The following NUP37 variants were observed in gnomAD, a reference collection of about 807,000 sequenced individuals.
The protein encoded by NUP37 is nucleoporin Nup37.
In NUP37, 33 loss-of-function variants were observed where a neutral mutation model predicts 45.4. The ratio of observed to expected loss-of-function variants is 0.73; its 90% CI spans 0.55 to 0.97. The LOEUF is 0.97. Among genes scored for constraint, NUP37 ranks in the 50% least tolerant of loss-of-function variants. The pLI, the probability that NUP37 is intolerant of heterozygous loss-of-function variation, is 0.00. For missense variants in NUP37, 365 were observed against 389.7 expected (o/e 0.94, Z 0.53); for synonymous variants, 127 against 130.7 (o/e 0.97, Z 0.19).
chr12:102,090,818 A>G (rs1025413737), intron 5 of NUP37, among the ~76,000 whole-genome samples: 10 of 152,214 alleles, frequency 6.6e-5, no homozygotes, highest in Non-Finnish European at 1.3e-4. Flanking sequence ...CCTAATATCA[A>G]AAGACTGGCA....
chr12:102,112,863 A>G (rs1880357794), intron 2 of NUP37, among the ~76,000 whole-genome samples: 1 of 152,240 alleles, frequency 6.6e-6, no homozygotes. Context: ...GTAAGATGCT[A>G]CAAATAATTC....
chr12:102,118,310 C>T, intron 2 of NUP37, 53 bp downstream of exon 2: 3 of 1,496,848 alleles, frequency 2.0e-6, no homozygotes, highest in Non-Finnish European at 2.7e-6. Flanking sequence ...TGTGTAAGTT[C>T]TCTTAGTAGT....
intron 4 of NUP37, 100 bp downstream of exon 4, chr12:102,100,932 C>T (rs1879952016): frequency 9.0e-6 from 6 of 663,056 alleles, no homozygotes; most frequent in Non-Finnish European, 1.5e-5. Context: ...TAATGATGAC[C>T]ATAAAAAGCC....
At chr12:102,082,563 A>G (rs2136716915) in intron 6 of NUP37, among the ~76,000 whole-genome samples, 1 of 152,358 alleles carries the variant, frequency 6.6e-6, no homozygotes, top group South Asian at 2.1e-4. Context: ...TTATGTATCC[A>G]TTTTATAAGA....
chr12:102,092,237 G>C (rs945103200), intron 5 of NUP37, among the ~76,000 whole-genome samples: 28 of 152,124 alleles, frequency 1.8e-4, no homozygotes, highest in Middle Eastern at 3.2e-3. Flanking sequence ...AAGAAAGAAT[G>C]GATGACATTA....
intron 6 of NUP37, among the ~76,000 whole-genome samples, chr12:102,083,959 C>A (rs1009739462): frequency 1.3e-5 from 2 of 151,586 alleles, no homozygotes; most frequent in Admixed American, 1.3e-4. Flanking sequence ...TGGGAAAAGA[C>A]GAAATGAAGT....
Position 102,112,245 on chromosome 12 carries a change from A to G in NUP37, c.157-13T>C. 6.3e-7 allele frequency: 1 copy of G among 1,599,900 alleles called. No homozygotes were observed. The highest frequency in any genetic ancestry group is 8.5e-7 in the Non-Finnish European group (1 of 1,169,820). On this transcript the variant is annotated splice_polypyrimidine_tract_variant and intron_variant, in intron 2 of 9. Transcript: ENST00000552283. ...CTGCTTCTTCTTCCTAAGCATACAC[A>G]GTAAATGTTTTAATAAGTAATGAGA...
intron 9 of NUP37, 30 bp downstream of exon 9, chr12:102,074,971 C>G (rs1323441908): frequency 7.6e-7 from 1 of 1,309,058 alleles, no homozygotes; most frequent in Non-Finnish European, 1.0e-6. Flanking sequence ...AAAAAAAAAG[C>G]ACGTATGTTA....
intron 3 of NUP37, among the ~76,000 whole-genome samples, chr12:102,108,394 T>C (rs1880218241): frequency 6.6e-6 from 1 of 152,226 alleles, no homozygotes; most frequent in Non-Finnish European, 1.5e-5. Context: ...TCAGGGGCTC[T>C]TGGGCCTTAG....
At chr12:102,084,001 A>C (rs1471103663) in intron 6 of NUP37, among the ~76,000 whole-genome samples, 1 of 152,214 alleles carries the variant, frequency 6.6e-6, no homozygotes, top group Non-Finnish European at 1.5e-5. Context: ...TCAAACATTT[A>C]GAAATAAAAG....
intron 5 of NUP37, among the ~76,000 whole-genome samples, chr12:102,090,135 T>C (rs978821035): frequency 6.6e-6 from 1 of 152,232 alleles, no homozygotes; most frequent in African/African-American, 2.4e-5. Flanking sequence ...AAGCCAAAAC[T>C]TTCTCTCATT....
At chr12:102,115,245 C>T (rs778398062) in intron 2 of NUP37, among the ~76,000 whole-genome samples, 28 of 152,178 alleles carry the variant, frequency 1.8e-4, no homozygotes, top group Admixed American at 1.7e-3. Flanking sequence ...TGTCGATTTA[C>T]AGAGGAAGAT....
At chr12:102,087,416 A>G (rs1879503428) in intron 5 of NUP37, among the ~76,000 whole-genome samples, 1 of 152,222 alleles carries the variant, frequency 6.6e-6, no homozygotes, top group Admixed American at 6.5e-5. Flanking sequence ...TTTCAAAATG[A>G]TTATCTTAAT....
chr12:102,086,069 AAG>A (rs1879461591), intron 5 of NUP37, among the ~76,000 whole-genome samples: 1 of 152,204 alleles, frequency 6.6e-6, no homozygotes, highest in South Asian at 2.1e-4. Context: ...TCATGGACAA[AAG>A]AGTCACACAC....
intron 5 of NUP37, among the ~76,000 whole-genome samples, chr12:102,093,571 G>A (rs2136731738): frequency 6.6e-6 from 1 of 152,148 alleles, no homozygotes; most frequent in South Asian, 2.1e-4. Flanking sequence ...ATTCAGAGTA[G>A]AAGGGCTTTT....
intron 2 of NUP37, among the ~76,000 whole-genome samples, chr12:102,114,509 T>C (rs1358160951): frequency 1.3e-5 from 2 of 152,178 alleles, no homozygotes; most frequent in Non-Finnish European, 2.9e-5. Flanking sequence ...ATAAGCAGAA[T>C]TGTATAGGCA....
At chr12:102,097,539 C>CA (rs936082609) in intron 5 of NUP37, among the ~76,000 whole-genome samples, 12 of 151,186 alleles carry the variant, frequency 7.9e-5, no homozygotes, top group Admixed American at 2.0e-4. Flanking sequence ...TGCTAGTTTA[C>CA]AAAAAAAATC....
chr12:102,095,800 G>A (rs1346954339), intron 5 of NUP37, among the ~76,000 whole-genome samples: 1 of 151,804 alleles, frequency 6.6e-6, no homozygotes, highest in African/African-American at 2.4e-5. Context: ...TAATTTCATT[G>A]TATTACTACT....
rs1879880140 is a variant in NUP37, at chr12:102,098,562, C to G, written c.449+544G>C. The stretch of plus-strand genomic sequence containing the variant: ...TTTTTTTTTTTTTGAGATGGAGTGT[C>G]GCTATGCCACCCAGGCTGGAGTGCA... On this transcript the variant is annotated intron_variant, in intron 5 of 9. Transcript: ENST00000552283. Among the ~76,000 whole-genome samples the G allele has an allele frequency of 4.0e-5, 6 of 148,914 alleles. 1 individual carries two copies. Among genetic ancestry groups the G allele is most frequent in the Admixed American group, 2.7e-4 (4 of 14,976 alleles).
Sources: gnomAD v4.1 joint callset for allele counts (sites outside exome capture counted in the v4.1 genomes callset) on GRCh38, gnomAD v4.1.1 for gene constraint, MANE v1.5 for transcripts, NCBI Gene and HGNC (gene_info 2026-07-23, HGNC 2026-07-21) for gene names.